Variants in PRKDC observed in about 807,000 individuals in gnomAD.
PRKDC encodes the protein protein kinase, DNA-activated, catalytic subunit.
In PRKDC, 82 loss-of-function variants were observed where a neutral mutation model predicts 486.9. The ratio of observed to expected loss-of-function variants is 0.17; its 90% CI spans 0.14 to 0.20. PRKDC has a LOEUF of 0.20. PRKDC is among the 10% of genes least tolerant of loss of function. The probability of loss-of-function intolerance (pLI) is 1.00; values close to 1 mark genes in which losing one functional copy is unlikely to be tolerated. For synonymous variants in PRKDC, 1,895 were observed against 1,837.0 expected (o/e 1.03, Z -0.81); for missense variants, 4,504 against 5,038.2 (o/e 0.89, Z 3.21).
chr8:47,918,735 A>G (rs1325304621), intron 21 of PRKDC, among the ~76,000 whole-genome samples: 1 of 152,186 alleles, frequency 6.6e-6, no homozygotes, highest in African/African-American at 2.4e-5. Context: ...AAAAAATAAG[A>G]ATCCACAAAT....
intron 40 of PRKDC, among the ~76,000 whole-genome samples, chr8:47,866,150 C>A (rs1035262812): frequency 7.2e-6 from 1 of 139,772 alleles, no homozygotes; most frequent in East Asian, 2.0e-4. Flanking sequence ...TAGAGAAACT[C>A]CGTCGCAAAA....
intron 24 of PRKDC, among the ~76,000 whole-genome samples, chr8:47,912,827 A>G (rs1412128545): frequency 1.3e-5 from 2 of 152,376 alleles, no homozygotes; most frequent in Non-Finnish European, 1.5e-5. Flanking sequence ...TTGCCATATT[A>G]AAGAACTATA....
At position 47,904,613 on chromosome 8, in the gene PRKDC, G is replaced by C. The variant is rs543239641; in HGVS notation, c.3042+256C>G. ...CTAAGACCAGCCTGGCCAACAAAGT[G>C]AAACGCTGTCTCTGATTGAAATACA... On this transcript the variant is annotated intron_variant, in intron 26 of 85. Transcript: ENST00000314191. 2.6e-5 allele frequency among the ~76,000 whole-genome samples: 4 copies of C among 152,290 alleles called. No individual in the cohort carries two copies. The East Asian group carries it at 7.7e-4, about 29-fold the overall frequency.
At chr8:47,796,287 C>T (rs952389956) in intron 73 of PRKDC, among the ~76,000 whole-genome samples, 2 of 151,672 alleles carry the variant, frequency 1.3e-5, no homozygotes, top group South Asian at 2.1e-4. Context: ...ACTGTCGAGC[C>T]GAGATCACGC....
Position 47,932,971 on chromosome 8 carries a change from C to T in PRKDC, c.1776+49G>A, listed in dbSNP as rs375866365. ...TCCCCTAAATATTTATATGCAAAGA[C>T]AGCTGATACAAAAATGATGAAAAAT... On this transcript the variant is annotated intron_variant, in intron 16 of 85. Coordinates refer to ENST00000314191, the MANE Select transcript of PRKDC (RefSeq NM_006904.7). 3.7e-3 allele frequency: 5,438 copies of T among 1,478,472 alleles called. 51 individuals are homozygous for T. Among genetic ancestry groups the T allele is most frequent in the South Asian group, 0.025 (1,937 of 76,482 alleles). The allele number at this position is 1,478,472 out of a possible 1,614,324, so 91.6% of individuals were successfully genotyped here. A position where few individuals can be genotyped will look rare whatever the true frequency, so the allele number is the denominator to read the frequency against.
intron 40 of PRKDC, among the ~76,000 whole-genome samples, chr8:47,867,114 G>A (rs1291283997): frequency 1.3e-5 from 2 of 152,096 alleles, no homozygotes; most frequent in Admixed American, 6.6e-5. Context: ...AAAATACTAT[G>A]ATATTTCTTT....
rs537251313 is a variant in PRKDC, at chr8:47,949,881, TA to T, written c.721+3738del. ...AAATGAAACTGCTGCCTACATAGGT[TA>T]AAAAAAAATCATTGGATATAAGTAA... On this transcript the variant is annotated intron_variant, in intron 7 of 85. Coordinates refer to ENST00000314191, the MANE Select transcript of PRKDC (RefSeq NM_006904.7). 4.0e-3 allele frequency among the ~76,000 whole-genome samples: 613 copies of T among 151,450 alleles called. 3 individuals carry two copies. The highest frequency in any genetic ancestry group is 0.025 in the South Asian group (121 of 4,784).
intron 11 of PRKDC, among the ~76,000 whole-genome samples, chr8:47,937,306 G>A (rs1210997939): frequency 2.0e-5 from 3 of 152,128 alleles, no homozygotes; most frequent in African/African-American, 7.2e-5. Context: ...AAGATGCTTT[G>A]TATAATAATC....
chr8:47,903,318 C>T (rs8178068), intron 26 of PRKDC, among the ~76,000 whole-genome samples: 8,293 of 152,308 alleles, frequency 0.054, 309 homozygotes, highest in Non-Finnish European at 0.084. Context: ...ATTTGACCAA[C>T]GACCACACAG....
At chr8:47,834,714 G>T (rs539040804) in intron 58 of PRKDC, among the ~76,000 whole-genome samples, 1 of 133,594 alleles carries the variant, frequency 7.5e-6, no homozygotes, top group South Asian at 2.3e-4. Flanking sequence ...TTTTTGAGAC[G>T]GAGTCTCGCT....
chr8:47,936,440 G>A lies in PRKDC; in HGVS notation c.1191C>T (p.Leu397=), dbSNP rs1191375281. Residue 397 remains leucine (L), a synonymous_variant, in exon 12 of 86, where the codon CTC becomes CTT. Coordinates refer to ENST00000314191, the MANE Select transcript of PRKDC (RefSeq NM_006904.7). ...GGTCGTCACCAGTGTCTGTCTGGGT[G>A]AGGAACATCTGCTTGCAGCGCTGAA... The part of the protein sequence containing the change: ...ELIQRCKQMF[L]TQTDTGDDRV... 5 of 1,614,046 alleles carry A rather than the reference G, an allele frequency of 3.1e-6. No individual in the cohort carries two copies. The highest frequency in any genetic ancestry group is 3.3e-5 in the Admixed American group (2 of 60,016).
chr8:47,889,453 G>A (rs938736988), intron 32 of PRKDC, among the ~76,000 whole-genome samples: 6 of 152,218 alleles, frequency 3.9e-5, no homozygotes, highest in South Asian at 2.1e-4. Flanking sequence ...GGACAGAGGC[G>A]CACAGCCATG....
chr8:47,889,322 G>C, intron 32 of PRKDC, 100 bp from the exon 33 acceptor site: 2 of 989,686 alleles, frequency 2.0e-6, no homozygotes, highest in Non-Finnish European at 2.9e-6. Context: ...CTGACTAAGG[G>C]AGAGGTGGGC....
In PRKDC at chr8:47,817,727, C is replaced by T. The variant is rs188010160; in HGVS notation, c.9446-166G>A. On this transcript the variant is annotated intron_variant, in intron 67 of 85. Coordinates refer to ENST00000314191, the MANE Select transcript of PRKDC (RefSeq NM_006904.7). ...GTTACCATACTAAATTTAATATATT[C>T]TGACATTTAAACTCAATTGCTTAAG... 1.5e-4 allele frequency among the ~76,000 whole-genome samples: 23 copies of T among 152,306 alleles called. No homozygotes were observed. The East Asian group carries it at 4.4e-3, about 29-fold the overall frequency.
chr8:47,851,427 A>G (rs1589741994), intron 52 of PRKDC, among the ~76,000 whole-genome samples: 1 of 152,360 alleles, frequency 6.6e-6, no homozygotes, highest in East Asian at 1.9e-4. Context: ...GTAATATTTG[A>G]TCTTCCCAAA....
intron 40 of PRKDC, among the ~76,000 whole-genome samples, chr8:47,868,862 T>A (rs2088878528): frequency 1.3e-5 from 2 of 152,058 alleles, no homozygotes; most frequent in African/African-American, 4.8e-5. Flanking sequence ...GCTGTGCACT[T>A]GGGGGAGGAA....
chr8:47,847,730 TCAAAATAGTCACAAAC>T (rs1469439090), intron 54 of PRKDC, among the ~76,000 whole-genome samples: 3 of 151,958 alleles, frequency 2.0e-5, no homozygotes, highest in African/African-American at 7.3e-5. Flanking sequence ...GAGAAAATAT[TCAAAATAGTCACAAAC>T]TATGCACCTA....
intron 54 of PRKDC, among the ~76,000 whole-genome samples, chr8:47,845,483 T>C (rs939614929): frequency 6.6e-6 from 1 of 151,950 alleles, no homozygotes; most frequent in African/African-American, 2.4e-5. Context: ...CCCACAGCAA[T>C]ACAAAAGATC....
chr8:47,833,781 C>G (rs140202323), intron 59 of PRKDC, among the ~76,000 whole-genome samples: 1 of 152,206 alleles, frequency 6.6e-6, no homozygotes, highest in East Asian at 1.9e-4. Flanking sequence ...TCCTTTTCAT[C>G]CTTTCCCTTC....
Sources: gnomAD v4.1 joint callset for allele counts (sites outside exome capture counted in the v4.1 genomes callset) on GRCh38, gnomAD v4.1.1 for gene constraint, MANE v1.5 for transcripts, NCBI Gene and HGNC (gene_info 2026-07-23, HGNC 2026-07-21) for gene names.